The following TSPAN14 variants were observed in gnomAD, a reference collection of about 807,000 sequenced individuals.
The protein encoded by TSPAN14 is tetraspanin-14.
Under a neutral mutation model 36.6 loss-of-function variants are expected in TSPAN14, and 16 were observed. That is an observed-to-expected ratio of 0.44 (90% CI 0.30 to 0.66). The LOEUF is 0.66. Among genes scored for constraint, TSPAN14 ranks in the 30% least tolerant of loss-of-function variants. TSPAN14 has a pLI of 0.12. For synonymous variants in TSPAN14, 139 were observed against 143.8 expected (o/e 0.97, Z 0.24); for missense variants, 231 against 355.1 (o/e 0.65, Z 2.81).
At chr10:80,464,392 G>C (rs370420107) in intron 1 of TSPAN14, among the ~76,000 whole-genome samples, 1 of 152,320 alleles carries the variant, frequency 6.6e-6, no homozygotes, top group South Asian at 2.1e-4. Context: ...AATGGGGTAC[G>C]GTTCTTCCTG....
intron 1 of TSPAN14, among the ~76,000 whole-genome samples, chr10:80,464,372 T>G (rs1224903046): frequency 6.6e-6 from 1 of 152,158 alleles, no homozygotes; most frequent in Non-Finnish European, 1.5e-5. Context: ...GAGCTTCCTT[T>G]CAGAACAGAA....
chr10:80,504,726 A>C lies in TSPAN14; in HGVS notation c.82-2A>C. The C allele has an allele frequency of 6.2e-7, 1 of 1,614,128 alleles. No individual in the cohort carries two copies. The highest frequency in any genetic ancestry group is 8.5e-7 in the Non-Finnish European group (1 of 1,180,000). The stretch of plus-strand genomic sequence containing the variant: ...CTTCTCTCTTTCCTCTGCCCCGCTT[A>C]GTTGGCTGGAGTTGTCTTCCTTGGA... On this transcript the variant is annotated splice_acceptor_variant, in intron 2 of 8. Transcript: ENST00000429989. LOFTEE classifies it high-confidence loss of function.
In TSPAN14 at chr10:80,517,641, C is replaced by A. The variant is rs1245245178; in HGVS notation, c.742-264C>A. On this transcript the variant is annotated intron_variant, in intron 8 of 8. Coordinates refer to ENST00000429989, the Ensembl canonical transcript of TSPAN14. The stretch of plus-strand genomic sequence containing the variant: ...ATACTTAATCATGTTGGAGGCAGGA[C>A]AGAGTGTCTGTTTTGCTTGTGGTGC... Among the ~76,000 whole-genome samples, 9 of 152,238 alleles carry A rather than the reference C, an allele frequency of 5.9e-5. No homozygotes were observed. In the East Asian group the frequency reaches 1.7e-3, roughly 29 times the overall value.
intron 1 of TSPAN14, among the ~76,000 whole-genome samples, chr10:80,460,933 C>CCCATT (rs1220737365): frequency 6.6e-6 from 1 of 152,186 alleles, no homozygotes; most frequent in Non-Finnish European, 1.5e-5. Context: ...TCCCATTTGT[C>CCCATT]TGAGCTGGGC....
At chr10:80,482,973 G>A (rs1294842466) in intron 1 of TSPAN14, among the ~76,000 whole-genome samples, 2 of 152,130 alleles carry the variant, frequency 1.3e-5, no homozygotes, top group African/African-American at 4.8e-5. Context: ...GACCTCAGGT[G>A]ATCCACCTGT....
At chr10:80,459,184 T>C (rs1845861711) in intron 1 of TSPAN14, 1 of 150,232 alleles carries the variant, frequency 6.7e-6, no homozygotes, top group African/African-American at 2.4e-5. Flanking sequence ...CAGCTGATTC[T>C]GGGAACCTCA....
intron 1 of TSPAN14, among the ~76,000 whole-genome samples, chr10:80,456,728 C>T (rs1386281031): frequency 2.6e-5 from 4 of 152,220 alleles, no homozygotes; most frequent in African/African-American, 7.2e-5. Flanking sequence ...GAGACTTACA[C>T]CCTAGAAGTT....
In TSPAN14 at chr10:80,461,454, T is replaced by G. The variant is rs1180112518; in HGVS notation, c.-18+7083T>G. On this transcript the variant is annotated intron_variant, in intron 1 of 8. Transcript: ENST00000429989. ...GTAACTCTAGTAGCTTCTTGTGAAA[T>G]ACAAGTGATGGTATAAACGTGGATA... 5.3e-5 allele frequency among the ~76,000 whole-genome samples: 8 copies of G among 152,088 alleles called. No individual in the cohort carries two copies. In the East Asian group the frequency reaches 1.2e-3, roughly 22 times the overall value.
At position 80,497,845 on chromosome 10, in the gene TSPAN14, CTGGGAGGGCACA is replaced by C. The variant is rs146739876; in HGVS notation, c.82-6880_82-6869del. On this transcript the variant is annotated intron_variant, in intron 2 of 8. Coordinates refer to ENST00000429989, the Ensembl canonical transcript of TSPAN14. The stretch of plus-strand genomic sequence containing the variant: ...CCCTCACATGGGTTTGCTGGCTCTG[CTGGGAGGGCACA>C]TGTGTTGCCTTTTCTCAGAACCACC... Among the ~76,000 whole-genome samples the C allele has an allele frequency of 7.4e-3, 1,121 of 152,338 alleles. 3 individuals carry two copies. The highest frequency in any genetic ancestry group is 0.012 in the Non-Finnish European group (829 of 68,020).
chr10:80,489,868 G>C (rs1847829083), intron 2 of TSPAN14, among the ~76,000 whole-genome samples: 1 of 152,168 alleles, frequency 6.6e-6, no homozygotes, highest in South Asian at 2.1e-4. Flanking sequence ...TACTAATGAA[G>C]AGGCAGCCAA....
In TSPAN14 at chr10:80,512,326, T is replaced by C. The variant is rs527796525; in HGVS notation, c.576+57T>C. On this transcript the variant is annotated intron_variant, in intron 6 of 8. Transcript: ENST00000429989. ...CCGCCCTTCCTGAAGCCCAGAAGCTTTCCTGACTCCTCCAGTGCTCTAGGA... is the reference window on the plus strand; with the variant it reads ...CCGCCCTTCCTGAAGCCCAGAAGCTCTCCTGACTCCTCCAGTGCTCTAGGA... The C allele has an allele frequency of 1.3e-3, 2,070 of 1,602,988 alleles. 2 individuals carry two copies. The highest frequency in any genetic ancestry group is 2.8e-3 in the Middle Eastern group (13 of 4,574).
intron 2 of TSPAN14, among the ~76,000 whole-genome samples, chr10:80,491,371 T>C (rs1478808772): frequency 6.6e-6 from 1 of 152,098 alleles, no homozygotes; most frequent in African/African-American, 2.4e-5. Flanking sequence ...CCCTCCACCA[T>C]CCCGCACCCC....
exon 9 of TSPAN14, chr10:80,521,447 G>C (rs2132080626): frequency 6.5e-6 from 1 of 153,042 alleles, no homozygotes; most frequent in African/African-American, 2.4e-5. Context: ...TCCAGCTCTA[G>C]GGTCTTACGG....
chr10:80,518,025 C>T, exon 9 of TSPAN14: 2 of 1,537,598 alleles, frequency 1.3e-6, no homozygotes, highest in East Asian at 2.4e-5. Flanking sequence ...AGGCCAGAGC[C>T]TTTCTCTGCC....
chr10:80,484,886 T>C (rs1419893844), intron 1 of TSPAN14, among the ~76,000 whole-genome samples: 1 of 152,200 alleles, frequency 6.6e-6, no homozygotes, highest in Admixed American at 6.5e-5. Flanking sequence ...GCATATGCCC[T>C]TTAAATCTGT....
chr10:80,458,433 C>G (rs752395510), intron 1 of TSPAN14, among the ~76,000 whole-genome samples: 3 of 152,186 alleles, frequency 2.0e-5, no homozygotes, highest in Non-Finnish European at 4.4e-5. Flanking sequence ...TGATTTCCCT[C>G]GGGGCCAGCA....
At chr10:80,461,630 C>T (rs939482009) in intron 1 of TSPAN14, among the ~76,000 whole-genome samples, 1 of 151,744 alleles carries the variant, frequency 6.6e-6, no homozygotes, top group African/African-American at 2.4e-5. Flanking sequence ...GTTGAGGGCT[C>T]CTCTGGTGTA....
chr10:80,473,646 C>T (rs953951654), intron 1 of TSPAN14, among the ~76,000 whole-genome samples: 5 of 149,900 alleles, frequency 3.3e-5, no homozygotes, highest in African/African-American at 9.8e-5. Flanking sequence ...AAGAGTCAAA[C>T]TTCTTCACTC....
At chr10:80,477,637 T>G (rs953268135) in intron 1 of TSPAN14, among the ~76,000 whole-genome samples, 5 of 152,200 alleles carry the variant, frequency 3.3e-5, no homozygotes, top group African/African-American at 1.2e-4. Flanking sequence ...CAAGAATAGT[T>G]TGAAAGCAGC....
Sources: allele counts gnomAD v4.1 joint callset (sites outside exome capture counted in the v4.1 genomes callset), GRCh38; gene constraint gnomAD v4.1.1; transcripts MANE v1.5; gene names NCBI Gene and HGNC (gene_info 2026-07-23, HGNC 2026-07-21).